The following ZNF385D variants were observed in gnomAD, a reference collection of about 807,000 sequenced individuals.
The protein encoded by ZNF385D is zinc finger protein 659.
Under a neutral mutation model 35.8 loss-of-function variants are expected in ZNF385D, and 15 were observed. That is an observed-to-expected ratio of 0.42 (90% CI 0.28 to 0.64). The LOEUF (loss-of-function observed/expected upper bound fraction) is 0.64, where lower values mean the gene tolerates loss of function less well. ZNF385D is among the 30% of genes least tolerant of loss of function. The pLI is 0.23. For synonymous variants in ZNF385D, 212 were observed against 186.8 expected (o/e 1.13, Z -1.10); for missense variants, 474 against 494.6 (o/e 0.96, Z 0.39).
At chr3:21,720,228 T>C (rs913762273) in intron 1 of ZNF385D, among the ~76,000 whole-genome samples, 8 of 152,182 alleles carry the variant, frequency 5.3e-5, no homozygotes, top group Non-Finnish European at 1.2e-4. Flanking sequence ...GTATAGTCCC[T>C]AGACCAGCAG....
intron 3 of ZNF385D, among the ~76,000 whole-genome samples, chr3:22,127,806 A>T (rs770656493): frequency 6.6e-6 from 1 of 151,298 alleles, no homozygotes; most frequent in Non-Finnish European, 1.5e-5. Context: ...CACCTCTCCC[A>T]CTCTTTAACT....
In ZNF385D at chr3:21,601,649, A is replaced by G. The variant is rs367760654; in HGVS notation, c.166-36965T>C. 5.9e-5 allele frequency among the ~76,000 whole-genome samples: 9 copies of G among 152,364 alleles called. No homozygotes were observed. In the East Asian group the frequency reaches 1.5e-3, roughly 26 times the overall value. On this transcript the variant is annotated intron_variant, in intron 2 of 7. Coordinates refer to ENST00000281523, the MANE Select transcript of ZNF385D (RefSeq NM_024697.3). ...TAATTATTTGTAAAATGTTACCATT[A>G]TTTAATAAATGATCACCACACTTCT... is the stretch of plus-strand genomic sequence containing the variant.
intron 2 of ZNF385D, among the ~76,000 whole-genome samples, chr3:22,191,000 A>G (rs1460599666): frequency 6.6e-6 from 1 of 152,178 alleles, no homozygotes; most frequent in Non-Finnish European, 1.5e-5. Context: ...TTATTCATCT[A>G]TAAGAAATAC....
At chr3:22,162,439 C>T (rs1342810281) in intron 3 of ZNF385D, among the ~76,000 whole-genome samples, 1 of 149,968 alleles carries the variant, frequency 6.7e-6, no homozygotes, top group Non-Finnish European at 1.5e-5. Context: ...AAGATTAACT[C>T]AAAGAAAAAA....
chr3:21,804,922 T>C (rs949576081), intron 3 of ZNF385D, among the ~76,000 whole-genome samples: 17 of 152,228 alleles, frequency 1.1e-4, no homozygotes, highest in African/African-American at 4.1e-4. Flanking sequence ...AATTTAACCA[T>C]GATCATTATT....
At chr3:22,372,455 C>A in exon 2 of ZNF385D, 1 of 985,984 alleles carries the variant, frequency 1.0e-6, no homozygotes, top group Non-Finnish European at 1.2e-6. Flanking sequence ...CTTACCGCGG[C>A]TGGGCTGAGC....
At chr3:21,630,031 C>G (rs769356170) in intron 2 of ZNF385D, among the ~76,000 whole-genome samples, 12 of 151,846 alleles carry the variant, frequency 7.9e-5, no homozygotes, top group Non-Finnish European at 1.8e-4. Flanking sequence ...CTATGTCCTC[C>G]CAATCATCCT....
chr3:21,908,890 C>G (rs571942057), intron 3 of ZNF385D, among the ~76,000 whole-genome samples: 1 of 152,026 alleles, frequency 6.6e-6, no homozygotes, highest in African/African-American at 2.4e-5. Flanking sequence ...TGTTATATGA[C>G]TACAGAATAT....
chr3:22,337,059 G>C (rs761349807), intron 2 of ZNF385D, among the ~76,000 whole-genome samples: 3 of 151,334 alleles, frequency 2.0e-5, no homozygotes, highest in African/African-American at 7.3e-5. Flanking sequence ...TGCTGTCAAA[G>C]AGTAGAAAGT....
In ZNF385D at chr3:22,191,990, A is replaced by T. The variant is rs75331800; in HGVS notation, c.107-22955T>A. Among the ~76,000 whole-genome samples the T allele has an allele frequency of 3.3e-4, 51 of 152,306 alleles. 1 individual carries two copies. The highest frequency in any genetic ancestry group is 1.1e-3 in the African/African-American group (45 of 41,570). On this transcript the variant is annotated intron_variant, in intron 2 of 5. Coordinates refer to the ZNF385D transcript ENST00000494108. ...CTCTGTCTTGTTTAGGAATTGACAT[A>T]ATGATGAAGAGGATATGATTTTTTT...
At chr3:21,848,535 T>C (rs1311702826) in intron 3 of ZNF385D, among the ~76,000 whole-genome samples, 3 of 151,534 alleles carry the variant, frequency 2.0e-5, no homozygotes, top group South Asian at 4.2e-4. Flanking sequence ...ATAAGTAATA[T>C]CAGAAGTAAA....
At chr3:21,556,499 T>C (rs1265315658) in intron 3 of ZNF385D, among the ~76,000 whole-genome samples, 1 of 151,580 alleles carries the variant, frequency 6.6e-6, no homozygotes, top group Non-Finnish European at 1.5e-5. Flanking sequence ...CCATTGCTTA[T>C]TTTTGACGGG....
intron 3 of ZNF385D, among the ~76,000 whole-genome samples, chr3:21,766,204 T>C (rs60297153): frequency 0.29 from 44,544 of 152,026 alleles, 7,378 homozygotes; most frequent in East Asian, 0.43. Flanking sequence ...GAGACCTGTT[T>C]TCTTTTAATG....
At chr3:21,750,601 G>C (rs1402468608) in intron 1 of ZNF385D, among the ~76,000 whole-genome samples, 3 of 152,002 alleles carry the variant, frequency 2.0e-5, no homozygotes, top group Admixed American at 1.3e-4. Context: ...CCTTCACCTA[G>C]CTAAAAGAGC....
chr3:22,324,318 GAAC>G (rs988399227), intron 2 of ZNF385D, among the ~76,000 whole-genome samples: 4 of 151,984 alleles, frequency 2.6e-5, no homozygotes, highest in Admixed American at 6.6e-5. Context: ...TTAAGCAGTA[GAAC>G]AACAACACAC....
At chr3:22,015,707 T>C (rs529794921) in intron 3 of ZNF385D, among the ~76,000 whole-genome samples, 4 of 152,258 alleles carry the variant, frequency 2.6e-5, no homozygotes, top group South Asian at 4.1e-4. Context: ...CTTTGGTTTT[T>C]CTCTTGTTTT....
intron 2 of ZNF385D, among the ~76,000 whole-genome samples, chr3:22,181,290 G>C (rs1695252045): frequency 6.6e-6 from 1 of 152,034 alleles, no homozygotes; most frequent in African/African-American, 2.4e-5. Flanking sequence ...CATCCTAACA[G>C]TGGCACATAT....
intron 3 of ZNF385D, among the ~76,000 whole-genome samples, chr3:21,787,481 T>C (rs1186699169): frequency 6.6e-6 from 1 of 151,596 alleles, no homozygotes; most frequent in Non-Finnish European, 1.5e-5. Flanking sequence ...CAGATGCTAA[T>C]ATCCAGCACA....
chr3:21,905,552 T>C (rs1450620661), intron 3 of ZNF385D, among the ~76,000 whole-genome samples: 1 of 150,270 alleles, frequency 6.7e-6, no homozygotes, highest in Admixed American at 6.6e-5. Flanking sequence ...AGATAAAAAA[T>C]GAAAGGAAGG....
Sources: gnomAD v4.1 joint callset for allele counts (sites outside exome capture counted in the v4.1 genomes callset) on GRCh38, gnomAD v4.1.1 for gene constraint, MANE v1.5 for transcripts, NCBI Gene and HGNC (gene_info 2026-07-23, HGNC 2026-07-21) for gene names.